The following RAB6B variants were observed in gnomAD, a reference collection of about 807,000 sequenced individuals.
RAB6B encodes the protein ras-related protein Rab-6B.
Under a neutral mutation model 31.2 loss-of-function variants are expected in RAB6B, and 7 were observed. That is an observed-to-expected ratio of 0.22 (90% confidence interval 0.13 to 0.42). RAB6B has a LOEUF of 0.42. Among genes scored for constraint, RAB6B ranks in the 10% least tolerant of loss-of-function variants. The pLI is 1.00. For synonymous variants in RAB6B, 105 were observed against 104.9 expected, an observed-to-expected ratio of 1.00 and a Z score of -0.01; for missense variants, 149 against 280.6, an observed-to-expected ratio of 0.53 and a Z score of 3.35.
At chr3:133,858,094 T>G (rs1936107614) in intron 2 of RAB6B, among the ~76,000 whole-genome samples, 1 of 152,022 alleles carries the variant, frequency 6.6e-6, no homozygotes. Flanking sequence ...TCAGGAACCC[T>G]CCATGGCGCA....
intron 1 of RAB6B, among the ~76,000 whole-genome samples, chr3:133,895,052 G>A (rs1936688811): frequency 6.6e-6 from 1 of 152,096 alleles, no homozygotes; most frequent in African/African-American, 2.4e-5. Flanking sequence ...AGCCGGTGCC[G>A]CAGTGTGAGC....
intron 1 of RAB6B, among the ~76,000 whole-genome samples, chr3:133,866,032 C>G (rs1196829611): frequency 6.6e-6 from 1 of 152,130 alleles, no homozygotes; most frequent in Non-Finnish European, 1.5e-5. Flanking sequence ...TATCACCATC[C>G]CAGGACCTCA....
intron 1 of RAB6B, among the ~76,000 whole-genome samples, chr3:133,888,108 G>A (rs1369691211): frequency 6.6e-6 from 1 of 152,186 alleles, no homozygotes; most frequent in Admixed American, 6.5e-5. Context: ...GTGTTCTTCT[G>A]TCTCCTCCGC....
At chr3:133,860,818 T>A (rs932784080) in intron 2 of RAB6B, among the ~76,000 whole-genome samples, 1 of 152,180 alleles carries the variant, frequency 6.6e-6, no homozygotes, top group Non-Finnish European at 1.5e-5. Context: ...GGACAGCCCG[T>A]TAAGTCAGTG....
chr3:133,834,683 C>T (rs2280672), intron 6 of RAB6B, 42 bp from the exon 7 acceptor site: 973,265 of 1,582,430 alleles, frequency 0.62, 302,681 homozygotes, highest in Non-Finnish European at 0.64. Flanking sequence ...CAACCCTGGC[C>T]CTCCCCTCTG....
Position 133,851,018 on chromosome 3 carries a change from GAA to G in RAB6B, c.130-9357_130-9356del, listed in dbSNP as rs57648730. 1.4e-3 allele frequency among the ~76,000 whole-genome samples: 147 copies of G among 105,678 alleles called. 2 individuals carry two copies. The highest frequency in any genetic ancestry group is 4.4e-3 in the African/African-American group (128 of 28,990). 69.3% of individuals were successfully genotyped at this position (105,678 alleles called of 152,430 possible). ...GGAATGACACAATAAAAGTGTTCAA[GAA>G]AAAAAAAAAAAACCGTGGAAACAGA... On this transcript the variant is annotated intron_variant, in intron 2 of 7. Coordinates refer to ENST00000285208, the MANE Select transcript of RAB6B (RefSeq NM_016577.4).
intron 1 of RAB6B, among the ~76,000 whole-genome samples, chr3:133,889,435 TATA>T (rs1559915510): frequency 1.7e-4 from 20 of 114,522 alleles, no homozygotes; most frequent in African/African-American, 7.9e-4. Context: ...TATATATATA[TATA>T]TATATATTTA....
At chr3:133,856,486 C>G (rs76996157) in intron 2 of RAB6B, among the ~76,000 whole-genome samples, 8,310 of 152,158 alleles carry the variant, frequency 0.055, 264 homozygotes, top group Middle Eastern at 0.085. Context: ...CAGACTGCTG[C>G]TTGTGTCTTA....
chr3:133,857,993 C>T (rs867861363), intron 2 of RAB6B, among the ~76,000 whole-genome samples: 66 of 152,162 alleles, frequency 4.3e-4, no homozygotes, highest in African/African-American at 1.5e-3. Flanking sequence ...AGTCTGTGTG[C>T]CCCGCCTCAG....
At chr3:133,865,221 C>A (rs1262377587) in intron 1 of RAB6B, among the ~76,000 whole-genome samples, 1 of 152,182 alleles carries the variant, frequency 6.6e-6, no homozygotes, top group Non-Finnish European at 1.5e-5. Context: ...GTTTAGCATA[C>A]CTGGAACCCC....
intron 7 of RAB6B, among the ~76,000 whole-genome samples, chr3:133,830,661 G>A (rs570725175): frequency 6.6e-6 from 1 of 152,200 alleles, no homozygotes; most frequent in South Asian, 2.1e-4. Flanking sequence ...ATTAGACCTC[G>A]TGCAGTGGGG....
chr3:133,843,162 G>A (rs1338032280), intron 2 of RAB6B, among the ~76,000 whole-genome samples: 2 of 152,196 alleles, frequency 1.3e-5, no homozygotes, highest in Non-Finnish European at 2.9e-5. Flanking sequence ...TGGAGCATAC[G>A]ATGCTAGAAT....
chr3:133,874,445 A>G (rs763647452), intron 1 of RAB6B, among the ~76,000 whole-genome samples: 47 of 152,224 alleles, frequency 3.1e-4, no homozygotes, highest in Non-Finnish European at 6.2e-4. Context: ...GTATCCAAAC[A>G]TATCTAAACA....
chr3:133,888,003 T>A (rs1282901188), intron 1 of RAB6B, among the ~76,000 whole-genome samples: 32 of 152,190 alleles, frequency 2.1e-4, no homozygotes. Flanking sequence ...CCCTCCTCCC[T>A]GCTCAGGGCC....
rs116209423 is a variant in RAB6B, at chr3:133,854,120, C to T, written c.129+10464G>A. On this transcript the variant is annotated intron_variant, in intron 2 of 7. Coordinates refer to ENST00000285208, the MANE Select transcript of RAB6B (RefSeq NM_016577.4). ...TGATGAGTTCTGCACTGAAGAAACA[C>T]GAACCCAATGTTTCCCCAGCTTCTT... 5.4e-3 allele frequency among the ~76,000 whole-genome samples: 817 copies of T among 152,304 alleles called. 13 individuals carry two copies. The highest frequency in any genetic ancestry group is 0.019 in the African/African-American group (776 of 41,560).
intron 1 of RAB6B, among the ~76,000 whole-genome samples, chr3:133,875,881 C>A (rs919846412): frequency 6.6e-6 from 1 of 152,194 alleles, no homozygotes; most frequent in Non-Finnish European, 1.5e-5. Flanking sequence ...GCTTCAAAAT[C>A]AGGCAGAGGA....
intron 2 of RAB6B, among the ~76,000 whole-genome samples, chr3:133,858,063 T>C (rs542682159): frequency 4.6e-5 from 7 of 152,066 alleles, no homozygotes; most frequent in Non-Finnish European, 1.0e-4. Context: ...CTCCTTATCT[T>C]TGATCCCATC....
chr3:133,854,397 G>A lies in RAB6B; in HGVS notation c.129+10187C>T, dbSNP rs569207377. Among the ~76,000 whole-genome samples, 25 of 152,312 alleles carry A rather than the reference G, an allele frequency of 1.6e-4. No homozygotes were observed. The South Asian group carries it at 5.0e-3, about 30-fold the overall frequency. On this transcript the variant is annotated intron_variant, in intron 2 of 7. Transcript: ENST00000285208. Reference sequence around the variant, plus strand: ...TAAACGCAGGATATCAACACAGCATGAGCAGCAGGTCTGACCTTGGGGAGT... The same window carrying A: ...TAAACGCAGGATATCAACACAGCATAAGCAGCAGGTCTGACCTTGGGGAGT...
At chr3:133,860,282 C>A (rs1307946548) in intron 2 of RAB6B, among the ~76,000 whole-genome samples, 3 of 152,186 alleles carry the variant, frequency 2.0e-5, no homozygotes, top group African/African-American at 7.2e-5. Context: ...AGGGTGGGTC[C>A]TTAAATCCAG....
Sources: allele counts gnomAD v4.1 joint callset (sites outside exome capture counted in the v4.1 genomes callset), GRCh38; gene constraint gnomAD v4.1.1; transcripts MANE v1.5; gene names NCBI Gene and HGNC (gene_info 2026-07-23, HGNC 2026-07-21).